KDM4C: variants seen among roughly 807,000 people sequenced by gnomAD.
The protein encoded by KDM4C is lysine-specific demethylase 4C.
In KDM4C, 81 loss-of-function variants were observed where a neutral mutation model predicts 129.3. The ratio of observed to expected loss-of-function variants is 0.63; its 90% CI spans 0.52 to 0.75. KDM4C has a LOEUF of 0.75. Ranked by LOEUF, KDM4C falls within the 30% of genes least tolerant of loss-of-function variation. KDM4C has a pLI of 0.00. For missense variants in KDM4C, 1,457 were observed against 1,304.0 expected (o/e 1.12, Z -1.81); for synonymous variants, 573 against 456.1 (o/e 1.26, Z -3.26).
At position 6,875,606 on chromosome 9, in the gene KDM4C, GGGTGTTTTGAGAAGTCA is replaced by G. The variant is rs560523565; in HGVS notation, c.630-4404_630-4388del. ...GTTCATCTCTAGTGGCGATAACTTT[GGGTGTTTTGAGAAGTCA>G]GAGGTCTTCCCTTCTCTTTTATCCT... is the stretch of plus-strand genomic sequence containing the variant. On this transcript the variant is annotated intron_variant, in intron 5 of 21. Coordinates refer to ENST00000381309, the MANE Select transcript of KDM4C (RefSeq NM_015061.6). 5.4e-3 allele frequency among the ~76,000 whole-genome samples: 817 copies of G among 152,252 alleles called. 4 individuals are homozygous for G. The highest frequency in any genetic ancestry group is 9.7e-3 in the Non-Finnish European group (663 of 68,008).
chr9:6,915,738 T>A (rs1188401136), intron 8 of KDM4C, among the ~76,000 whole-genome samples: 1 of 152,216 alleles, frequency 6.6e-6, no homozygotes, highest in Non-Finnish European at 1.5e-5. Flanking sequence ...ATGCCCTGTA[T>A]CCAAGGTATA....
At chr9:7,112,134 T>G (rs1030053304) in intron 18 of KDM4C, among the ~76,000 whole-genome samples, 1 of 152,106 alleles carries the variant, frequency 6.6e-6, no homozygotes, top group Middle Eastern at 3.2e-3. Context: ...TTCCTCAAAG[T>G]AGGGAAGATT....
At chr9:7,132,134 C>A (rs149335610) in intron 19 of KDM4C, among the ~76,000 whole-genome samples, 212 of 152,278 alleles carry the variant, frequency 1.4e-3, no homozygotes, top group African/African-American at 4.8e-3. Context: ...CTATGAAAAT[C>A]AAATTTAGGA....
intron 1 of KDM4C, among the ~76,000 whole-genome samples, chr9:6,760,488 C>T (rs1187567002): frequency 6.8e-6 from 1 of 147,758 alleles, no homozygotes; most frequent in Non-Finnish European, 1.5e-5. Flanking sequence ...GGTTAAACAT[C>T]TGTTGAATGA....
At chr9:7,072,107 C>T (rs1433253041) in intron 17 of KDM4C, among the ~76,000 whole-genome samples, 3 of 152,146 alleles carry the variant, frequency 2.0e-5, no homozygotes, top group Non-Finnish European at 4.4e-5. Flanking sequence ...AATGATATGT[C>T]ACTACATATC....
rs143502123 is a variant in KDM4C, at chr9:6,728,852, C to G, written c.49+7855C>G. 1.9e-3 allele frequency among the ~76,000 whole-genome samples: 292 copies of G among 150,698 alleles called. 4 individuals are homozygous for G. Among genetic ancestry groups the G allele is most frequent in the African/African-American group, 5.7e-3 (235 of 41,122 alleles). The stretch of plus-strand genomic sequence containing the variant: ...CAGAGCGAGACTCCATCTCAAAAAA[C>G]AAAACAAAACAAACAAAAAGTATTC... On this transcript the variant is annotated intron_variant, in intron 1 of 17. Transcript: ENST00000536108.
chr9:7,011,308 C>T (rs1428675632), intron 12 of KDM4C, among the ~76,000 whole-genome samples: 1 of 152,220 alleles, frequency 6.6e-6, no homozygotes, highest in Non-Finnish European at 1.5e-5. Flanking sequence ...AAAGTAGTTT[C>T]TGGACTGTGA....
chr9:6,805,260 T>C (rs1033489378), intron 2 of KDM4C, among the ~76,000 whole-genome samples: 2 of 152,052 alleles, frequency 1.3e-5, no homozygotes, highest in African/African-American at 4.8e-5. Flanking sequence ...ACTGTTTTAA[T>C]TAGAATTTCA....
chr9:6,744,395 T>G lies in KDM4C; in HGVS notation c.49+23398T>G, dbSNP rs189284006. ...CAAGAATTAGCTGGGCATGGTGGCG[T>G]GCGCCTGTAATCCCAGCTACTCAAG... On this transcript the variant is annotated intron_variant, in intron 1 of 17. Coordinates refer to the KDM4C transcript ENST00000536108. Among the ~76,000 whole-genome samples the G allele has an allele frequency of 2.2e-3, 335 of 152,030 alleles. 1 individual carries two copies. The highest frequency in any genetic ancestry group is 7.5e-3 in the South Asian group (36 of 4,810).
At chr9:6,857,457 C>G (rs547646374) in intron 5 of KDM4C, among the ~76,000 whole-genome samples, 150 of 152,342 alleles carry the variant, frequency 9.8e-4, no homozygotes, top group African/African-American at 3.6e-3. Context: ...AAGTGGATCA[C>G]ATACCACTCT....
Position 6,984,176 on chromosome 9 carries a change from G to T in KDM4C, c.1126G>T (p.Ala376Ser). The T allele has an allele frequency of 6.2e-7, 1 of 1,612,472 alleles. No homozygotes were observed. The highest frequency in any genetic ancestry group is 1.1e-5 in the South Asian group (1 of 90,990). ...VRKASRSFQC[A>S]RSTSKRPKAD... ...TTCTCTTGTTGACAGCTTCCAGTGTGCTAGGTCTACCTCTAAAAGGCCTAA... is the reference window on the plus strand; with the variant it reads ...TTCTCTTGTTGACAGCTTCCAGTGTTCTAGGTCTACCTCTAAAAGGCCTAA... Residue 376 changes from alanine (A) to serine (S), a missense_variant, in exon 10 of 22, where the codon GCT (alanine) becomes TCT (serine). Physicochemically the swap from Ala to Ser is moderately conservative, Grantham distance 99. Transcript: ENST00000381309.
intron 8 of KDM4C, among the ~76,000 whole-genome samples, chr9:6,913,124 C>G (rs1819630004): frequency 6.6e-6 from 1 of 152,120 alleles, no homozygotes; most frequent in Admixed American, 6.5e-5. Context: ...GGTTTTAGTT[C>G]TGTGTTTGCA....
intron 18 of KDM4C, chr9:7,105,459 G>A: frequency 2.2e-6 from 1 of 457,158 alleles, no homozygotes; most frequent in Non-Finnish European, 4.6e-6. Context: ...TACTACTTCT[G>A]CTGCTGCTGC....
chr9:6,858,257 C>T (rs959841318), intron 5 of KDM4C, among the ~76,000 whole-genome samples: 11 of 96,614 alleles, frequency 1.1e-4, no homozygotes, highest in African/African-American at 3.6e-4. Context: ...TCCAAATTTG[C>T]ATATTAATGA....
chr9:6,897,432 T>C (rs1024470246), intron 8 of KDM4C, among the ~76,000 whole-genome samples: 6 of 152,216 alleles, frequency 3.9e-5, no homozygotes, highest in Admixed American at 1.3e-4. Context: ...TTGCAAAATA[T>C]AGCATAGCCA....
At chr9:7,137,708 TGAGGC>T (rs1841355047) in intron 19 of KDM4C, among the ~76,000 whole-genome samples, 1 of 152,232 alleles carries the variant, frequency 6.6e-6, no homozygotes, top group Non-Finnish European at 1.5e-5. Context: ...AAGAGCTTCC[TGAGGC>T]GAGTTGTCAA....
intron 11 of KDM4C, among the ~76,000 whole-genome samples, chr9:6,988,657 C>T (rs1236148053): frequency 8.7e-6 from 1 of 115,484 alleles, no homozygotes; most frequent in Non-Finnish European, 1.7e-5. Context: ...TTTTTAAAGC[C>T]ATCCATCCAT....
chr9:6,740,502 C>G (rs1174196178), intron 1 of KDM4C, among the ~76,000 whole-genome samples: 5 of 151,316 alleles, frequency 3.3e-5, no homozygotes, highest in South Asian at 4.2e-4. Flanking sequence ...TGCGCCTGGC[C>G]TTTCACCCGG....
intron 19 of KDM4C, among the ~76,000 whole-genome samples, chr9:7,149,866 G>C (rs577957120): frequency 6.6e-6 from 1 of 152,202 alleles, no homozygotes; most frequent in African/African-American, 2.4e-5. Context: ...ACTGAAAGAA[G>C]GATCTAAGAG....
Sources: allele counts gnomAD v4.1 joint callset (sites outside exome capture counted in the v4.1 genomes callset), GRCh38; gene constraint gnomAD v4.1.1; transcripts MANE v1.5; gene names NCBI Gene and HGNC (gene_info 2026-07-23, HGNC 2026-07-21).